Variants in HSPG2 observed in about 807,000 individuals in gnomAD.
HSPG2 encodes the protein heparan sulfate proteoglycan 2.
Under a neutral mutation model 526.6 loss-of-function variants are expected in HSPG2, and 278 were observed. The ratio of observed to expected loss-of-function variants is 0.53; its 90% confidence interval spans 0.48 to 0.58. HSPG2 has a LOEUF of 0.58. Among genes scored for constraint, HSPG2 ranks in the 20% least tolerant of loss-of-function variants. HSPG2 has a pLI of 0.00. For missense variants in HSPG2, 5,354 were observed against 6,099.5 expected, an observed-to-expected ratio of 0.88 and a Z score of 4.07; for synonymous variants, 2,465 against 2,555.4, an observed-to-expected ratio of 0.96 and a Z score of 1.07.
chr1:21,915,944 G>A (rs1429849015), intron 1 of HSPG2, among the ~76,000 whole-genome samples: 5 of 151,722 alleles, frequency 3.3e-5, no homozygotes, highest in African/African-American at 4.8e-5. Flanking sequence ...CCAGCTACTC[G>A]GGAGGCTGAG....
Position 21,876,630 on chromosome 1 carries a change from C to T in HSPG2, c.2708G>A (p.Cys903Tyr), listed in dbSNP as rs1641089052. The T allele has an allele frequency of 6.2e-7, 1 of 1,614,210 alleles. No individual in the cohort carries two copies. Residue 903 changes from cysteine (C) to tyrosine (Y), a missense_variant, in exon 22 of 97, where the codon TGC becomes TAC. Physicochemically the swap from Cys to Tyr is radical, Grantham distance 194. Transcript: ENST00000374695. ...RCKNNVVGRL[C>Y]NECADGSFHL... ...GAAAGAGCCGTCAGCACATTCATTGCACAAGCGCCCCACCACATTGTTCTG... is the reference window on the plus strand; with the variant it reads ...GAAAGAGCCGTCAGCACATTCATTGTACAAGCGCCCCACCACATTGTTCTG...
chr1:21,843,305 G>A lies in HSPG2; in HGVS notation c.8750C>T (p.Pro2917Leu). The stretch of plus-strand genomic sequence containing the variant: ...TGCTCCCTATCACTCACCAGGAATG[G>A]GTCCTGGGCTGGAGGGCTCAATTGT... ...LVTIEPSSPG[P>L]IPAPGLAQPI... Residue 2917 changes from proline (P) to leucine (L), a missense_variant, in exon 66 of 97, where the codon CCC (proline) becomes CTC (leucine). Transcript: ENST00000374695. 6.2e-7 allele frequency: 1 copy of A among 1,614,010 alleles called. No individual in the cohort carries two copies.
chr1:21,872,555 T>C lies in HSPG2; in HGVS notation c.4029+65A>G. On this transcript the variant is annotated intron_variant, in intron 32 of 96. Coordinates refer to ENST00000374695, the MANE Select transcript of HSPG2 (RefSeq NM_005529.7). This position sits in a 1 kb window ranked among gnomAD's most constrained non-coding sequence, Gnocchi z 5.5. ...GGATGAGGGTCGCTGGGCTCAGTGC[T>C]CAGATGGACAGTAACAGGCAGCAGG... 1 of 1,543,982 alleles carries C rather than the reference T, an allele frequency of 6.5e-7. No individual in the cohort carries two copies. Among genetic ancestry groups the C allele is most frequent in the Non-Finnish European group, 8.8e-7 (1 of 1,140,802 alleles).
At position 21,823,689 on chromosome 1, in the gene HSPG2, G is replaced by A. The variant is rs777570455; in HGVS notation, c.12930C>T (p.Asp4310=). The A allele has an allele frequency of 9.3e-6, 15 of 1,613,504 alleles. No individual in the cohort carries two copies. Among genetic ancestry groups the A allele is most frequent in the South Asian group, 2.2e-5 (2 of 91,092 alleles). Residue 4310 remains aspartate (D), a synonymous_variant, in exon 96 of 97, where the codon GAC becomes GAT. Coordinates refer to ENST00000374695, the MANE Select transcript of HSPG2 (RefSeq NM_005529.7). ...ACCGGCCGCTGACCAGCTCCTCACC[G>A]TCGACTTGGATGGAACCTCTGCGGC... ...REGRRGSIQV[D]GEELVSGRSP... is the part of the protein sequence containing the mutation.
Position 21,849,958 on chromosome 1 carries a change from G to GTC in HSPG2, c.7446+82_7446+83insGA, listed in dbSNP as rs1326748825. 5.1e-6 allele frequency: 8 copies of GTC among 1,557,174 alleles called. No homozygotes were observed. The African/African-American group carries it at 1.1e-4, about 21-fold the overall frequency. ...CTCCCAAAGTGCCGGGATTACAGGCGTGAGCCACTGCGCCCGGTCAAGCCT... is the reference window on the plus strand; with the variant it reads ...CTCCCAAAGTGCCGGGATTACAGGCGTCTGAGCCACTGCGCCCGGTCAAGCCT... On this transcript the variant is annotated intron_variant, in intron 57 of 96. Coordinates refer to ENST00000374695, the MANE Select transcript of HSPG2 (RefSeq NM_005529.7).
chr1:21,924,701 T>C (rs1644137649), intron 1 of HSPG2, among the ~76,000 whole-genome samples: 1 of 152,144 alleles, frequency 6.6e-6, no homozygotes, highest in African/African-American at 2.4e-5. Flanking sequence ...ACCTCAGCTA[T>C]CTTGGGGACT....
chr1:21,936,742 C>T (rs1325398957), intron 1 of HSPG2, among the ~76,000 whole-genome samples: 1 of 152,194 alleles, frequency 6.6e-6, no homozygotes, highest in Non-Finnish European at 1.5e-5. Context: ...TCATAGGGTC[C>T]CCATCACCAC....
Position 21,874,411 on chromosome 1 carries a change from G to A in HSPG2, c.3651C>T (p.Ala1217=), listed in dbSNP as rs371519713. The change falls in exon 28 of 97, where the codon GCC becomes GCT. Residue 1217 remains alanine (A), a synonymous_variant. Transcript: ENST00000374695. The part of the protein sequence containing the change: ...QLCPCYGDPA[A]GQAAHTCFLD... ...CAGGCAGGGACTGGACGCACTGGCC[G>A]GCAGCAGGGTCTCCGTAGCAGGGGC... 9.4e-5 allele frequency: 152 copies of A among 1,611,356 alleles called. No homozygotes were observed. The highest frequency in any genetic ancestry group is 5.4e-4 in the South Asian group (49 of 90,916).
intron 1 of HSPG2, among the ~76,000 whole-genome samples, chr1:21,903,431 T>C (rs1206118595): frequency 6.6e-6 from 1 of 151,984 alleles, no homozygotes; most frequent in African/African-American, 2.4e-5. Context: ...TGAAACCCCA[T>C]CTCTACTAAA....
At chr1:21,869,744 G>A (rs868223786) in intron 33 of HSPG2, 37 of 985,724 alleles carry the variant, frequency 3.8e-5, no homozygotes, top group South Asian at 1.4e-4. Flanking sequence ...ACCTCCCCAC[G>A]GGCCCAGCCA....
At chr1:21,888,446 C>T (rs1642105787) in intron 6 of HSPG2, among the ~76,000 whole-genome samples, 1 of 152,214 alleles carries the variant, frequency 6.6e-6, no homozygotes, top group South Asian at 2.1e-4. Context: ...CTTTCCTCTC[C>T]ATCCTTTAAA....
At chr1:21,830,149 C>A (rs1230442465) in intron 85 of HSPG2, 58 bp from the exon 86 acceptor site, 2 of 1,386,746 alleles carry the variant, frequency 1.4e-6, no homozygotes, top group East Asian at 4.9e-5. Flanking sequence ...GGAGGGGGGT[C>A]CTGATGCCAG....
chr1:21,888,531 C>A, intron 6 of HSPG2: 1 of 476,358 alleles, frequency 2.1e-6, no homozygotes, highest in Non-Finnish European at 3.4e-6. Flanking sequence ...GTCTCGAACT[C>A]TTTGCCTCAA....
At chr1:21,857,227 G>A in intron 43 of HSPG2, 32 bp from the exon 44 acceptor site, 2 of 1,613,680 alleles carry the variant, frequency 1.2e-6, no homozygotes, top group Non-Finnish European at 1.7e-6. Context: ...GGTCATGGGT[G>A]GGGCTCAGAG....
chr1:21,828,999 C>G lies in HSPG2; in HGVS notation c.12073G>C (p.Gly4025Arg), dbSNP rs755625592. The change falls in exon 88 of 97, where the codon GGC (glycine) becomes CGC (arginine). Residue 4025 changes from glycine (G) to arginine (R), a missense_variant. Gly to Arg is a moderately radical substitution (Grantham distance 125). Transcript: ENST00000374695. The surrounding 1 kb of genome is among the most constrained non-coding windows in gnomAD (Gnocchi z 6.0). ...RVSAERLNKD[G>R]SLRVNGGRPV... ...CGTCCACCATTCACCCGCAGGCTGCCGTCCTTGTTGAGACGCTCTGCAGAC... is the reference window on the plus strand; with the variant it reads ...CGTCCACCATTCACCCGCAGGCTGCGGTCCTTGTTGAGACGCTCTGCAGAC... The G allele has an allele frequency of 1.3e-6, 2 of 1,568,124 alleles. No individual in the cohort carries two copies. Among genetic ancestry groups the G allele is most frequent in the African/African-American group, 1.4e-5 (1 of 73,774 alleles).
chr1:21,879,631 C>G (rs981839822), intron 17 of HSPG2, among the ~76,000 whole-genome samples: 4 of 149,216 alleles, frequency 2.7e-5, no homozygotes, highest in African/African-American at 7.4e-5. Flanking sequence ...CAACACCTCC[C>G]TTGTCTGGAT....
chr1:21,935,451 G>A (rs1644464338), intron 1 of HSPG2, among the ~76,000 whole-genome samples: 3 of 152,202 alleles, frequency 2.0e-5, no homozygotes. Flanking sequence ...AGCACCACAC[G>A]AGGTTCACTG....
In HSPG2 at chr1:21,829,092, C is replaced by A; in HGVS notation, c.11993-13G>T. On this transcript the variant is annotated splice_polypyrimidine_tract_variant and intron_variant, in intron 87 of 96. Coordinates refer to ENST00000374695, the MANE Select transcript of HSPG2 (RefSeq NM_005529.7). ...AGAACGGCCAGCCCTGGGGAGGATGCCAGGCAGGGTTGGGCACATGGGGGC... is the reference window on the plus strand; with the variant it reads ...AGAACGGCCAGCCCTGGGGAGGATGACAGGCAGGGTTGGGCACATGGGGGC... 1 of 1,533,664 alleles carries A rather than the reference C, an allele frequency of 6.5e-7. No homozygotes were observed. Among genetic ancestry groups the A allele is most frequent in the Non-Finnish European group, 8.7e-7 (1 of 1,143,260 alleles).
intron 33 of HSPG2, among the ~76,000 whole-genome samples, chr1:21,867,919 A>G (rs1462230042): frequency 1.3e-5 from 2 of 151,954 alleles, no homozygotes; most frequent in Non-Finnish European, 2.9e-5. Flanking sequence ...TAGTAGAGAC[A>G]GGGTTTCCCC....
Sources: allele counts gnomAD v4.1 joint callset (sites outside exome capture counted in the v4.1 genomes callset), GRCh38; gene constraint gnomAD v4.1.1; non-coding constraint Gnocchi (gnomAD v3.1); transcripts MANE v1.5; gene names NCBI Gene and HGNC (gene_info 2026-07-23, HGNC 2026-07-21).